The following GRID1 variants were observed in gnomAD, a reference collection of about 807,000 sequenced individuals.
GRID1 encodes glutamate ionotropic receptor delta type subunit 1, also known as glutamate receptor ionotropic, delta-1.
Under a neutral mutation model 98.0 loss-of-function variants are expected in GRID1, and 28 were observed. The observed-to-expected ratio is 0.29, with a 90% confidence interval of 0.21 to 0.39. GRID1 has a LOEUF of 0.39. Ranked by LOEUF, GRID1 falls within the 10% of genes least tolerant of loss-of-function variation. The probability of loss-of-function intolerance (pLI) is 1.00; values close to 1 mark genes in which losing one functional copy is unlikely to be tolerated. For missense variants in GRID1, 1,111 were observed against 1,340.5 expected, an observed-to-expected ratio of 0.83 and a Z score of 2.67; for synonymous variants, 553 against 538.5, an observed-to-expected ratio of 1.03 and a Z score of -0.37.
chr10:85,658,103 C>T (rs561277517), intron 12 of GRID1, among the ~76,000 whole-genome samples: 3 of 152,304 alleles, frequency 2.0e-5, no homozygotes, highest in African/African-American at 4.8e-5. Context: ...AGCAGCCCTT[C>T]GGGAGGCTGT....
intron 2 of GRID1, among the ~76,000 whole-genome samples, chr10:86,254,840 C>T (rs1320836441): frequency 1.3e-5 from 2 of 152,242 alleles, no homozygotes; most frequent in African/African-American, 2.4e-5. Context: ...GAACCAGTGC[C>T]GGCTGCACAG....
intron 12 of GRID1, among the ~76,000 whole-genome samples, chr10:85,687,318 T>C (rs1342107916): frequency 6.6e-6 from 1 of 152,210 alleles, no homozygotes; most frequent in African/African-American, 2.4e-5. Flanking sequence ...ATTACCTCTC[T>C]CTATCCATCC....
chr10:86,332,911 C>T (rs1264747912), intron 2 of GRID1, among the ~76,000 whole-genome samples: 1 of 152,214 alleles, frequency 6.6e-6, no homozygotes, highest in Non-Finnish European at 1.5e-5. Flanking sequence ...CACACAGCCC[C>T]TCCTCGCTTC....
intron 8 of GRID1, among the ~76,000 whole-genome samples, chr10:85,828,609 A>G (rs1294543250): frequency 6.6e-6 from 1 of 152,048 alleles, no homozygotes; most frequent in Non-Finnish European, 1.5e-5. Context: ...TGACAAAGAG[A>G]ACATTACTAC....
At chr10:86,126,706 T>C (rs1207107114) in intron 4 of GRID1, among the ~76,000 whole-genome samples, 2 of 152,212 alleles carry the variant, frequency 1.3e-5, no homozygotes, top group African/African-American at 4.8e-5. Context: ...TTTTTGTAAT[T>C]AGCTACAAAC....
intron 8 of GRID1, among the ~76,000 whole-genome samples, chr10:85,795,618 A>T (rs954649032): frequency 6.6e-6 from 1 of 152,206 alleles, no homozygotes; most frequent in South Asian, 2.1e-4. Flanking sequence ...TAATTTAGGG[A>T]AAACAATTAC....
chr10:85,755,173 C>A (rs1482838405), intron 8 of GRID1, among the ~76,000 whole-genome samples: 1 of 152,154 alleles, frequency 6.6e-6, no homozygotes, highest in African/African-American at 2.4e-5. Context: ...GGACTCCAGG[C>A]CTGGTCAAAC....
Position 86,019,023 on chromosome 10 carries a change from T to C in GRID1, c.727-102784A>G, listed in dbSNP as rs571696542. On this transcript the variant is annotated intron_variant, in intron 4 of 15. Coordinates refer to ENST00000327946, the MANE Select transcript of GRID1 (RefSeq NM_017551.3). ...CACAGTCAGGACACCTAACACTGGA[T>C]TCTGGACTGTGCTTACAACCCAGGA... Among the ~76,000 whole-genome samples the C allele has an allele frequency of 1.5e-3, 230 of 152,338 alleles. 1 individual carries two copies. Among genetic ancestry groups the C allele is most frequent in the Non-Finnish European group, 2.9e-3 (198 of 68,026 alleles).
intron 2 of GRID1, among the ~76,000 whole-genome samples, chr10:86,300,135 T>G (rs1179013572): frequency 2.0e-5 from 3 of 151,574 alleles, no homozygotes; most frequent in African/African-American, 4.9e-5. Context: ...AGAAGCCCAT[T>G]TGAGGATGGT....
intron 4 of GRID1, among the ~76,000 whole-genome samples, chr10:86,113,809 C>T (rs1002373970): frequency 2.6e-5 from 4 of 152,146 alleles, no homozygotes; most frequent in African/African-American, 4.8e-5. Flanking sequence ...GAGGGGCTGA[C>T]GGGAAAAGAA....
intron 5 of GRID1, among the ~76,000 whole-genome samples, chr10:85,877,192 C>T (rs944718288): frequency 6.6e-6 from 1 of 152,208 alleles, no homozygotes; most frequent in African/African-American, 2.4e-5. Context: ...CACAGACAAA[C>T]AAAAACACAG....
chr10:86,152,786 G>A (rs1046068316), intron 3 of GRID1, among the ~76,000 whole-genome samples: 2 of 152,192 alleles, frequency 1.3e-5, no homozygotes, highest in Middle Eastern at 3.2e-3. Context: ...CAGGCTGCTC[G>A]GAACAGCAGC....
intron 7 of GRID1, 108 bp downstream of exon 7, chr10:85,855,921 G>T (rs1330336866): frequency 1.1e-6 from 1 of 933,966 alleles, no homozygotes; most frequent in Non-Finnish European, 1.7e-6. Flanking sequence ...GGCCTACTGG[G>T]GCAGCCACAC....
At chr10:86,144,094 C>T (rs1245986797) in intron 3 of GRID1, among the ~76,000 whole-genome samples, 1 of 152,138 alleles carries the variant, frequency 6.6e-6, no homozygotes, top group Admixed American at 6.5e-5. Flanking sequence ...TGAATGAACC[C>T]CTGGGGTTCT....
intron 12 of GRID1, among the ~76,000 whole-genome samples, chr10:85,654,727 G>A (rs1840873959): frequency 6.6e-6 from 1 of 152,148 alleles, no homozygotes; most frequent in Non-Finnish European, 1.5e-5. Context: ...AGTGGTCCGA[G>A]GCCATCCCAG....
In GRID1 at chr10:85,877,680, G is replaced by A. The variant is rs549435760; in HGVS notation, c.781-8500C>T. 2.8e-3 allele frequency among the ~76,000 whole-genome samples: 432 copies of A among 152,284 alleles called. 3 individuals carry two copies. The highest frequency in any genetic ancestry group is 0.01 in the African/African-American group (416 of 41,560). On this transcript the variant is annotated intron_variant, in intron 5 of 15. Coordinates refer to ENST00000327946, the MANE Select transcript of GRID1 (RefSeq NM_017551.3). ...ACCACAAAGATGGGGAAAAAACAGA[G>A]CAGAAAAACTGGAAACTCTAAAAAG...
chr10:85,628,429 C>G (rs1187311667), intron 13 of GRID1, among the ~76,000 whole-genome samples: 1 of 152,000 alleles, frequency 6.6e-6, no homozygotes, highest in African/African-American at 2.4e-5. Context: ...TGTGTATTAT[C>G]GTGAGCACCA....
intron 2 of GRID1, among the ~76,000 whole-genome samples, chr10:86,262,856 A>G (rs980097810): frequency 1.3e-5 from 2 of 152,132 alleles, no homozygotes; most frequent in Non-Finnish European, 2.9e-5. Context: ...TTGGCGACAG[A>G]GAGCCCAGGA....
rs60119755 is a variant in GRID1, at chr10:85,895,001, C to CA, written c.780+21184dup. On this transcript the variant is annotated intron_variant, in intron 5 of 15. Transcript: ENST00000327946. ...ACAGCCTTCAACAAACTGGGACTCT[C>CA]AAAAAAAAAAAAAAAATATATATAT... is the stretch of plus-strand genomic sequence containing the variant. Among the ~76,000 whole-genome samples, 984 of 103,802 alleles carry CA rather than the reference C, an allele frequency of 9.5e-3. 9 individuals are homozygous for CA. The highest frequency in any genetic ancestry group is 0.039 in the East Asian group (147 of 3,794). The allele number at this position is 103,802 out of a possible 152,430, so 68.1% of individuals were successfully genotyped here. A position where few individuals can be genotyped will look rare whatever the true frequency, so the allele number is the denominator to read the frequency against.
Sources: gnomAD v4.1 joint callset for allele counts (sites outside exome capture counted in the v4.1 genomes callset) on GRCh38, gnomAD v4.1.1 for gene constraint, MANE v1.5 for transcripts, NCBI Gene and HGNC (gene_info 2026-07-23, HGNC 2026-07-21) for gene names.